STEAP3: variants seen among roughly 807,000 people sequenced by gnomAD.
STEAP3 encodes the protein metalloreductase STEAP3.
Under a neutral mutation model 34.9 loss-of-function variants are expected in STEAP3, and 35 were observed. The observed-to-expected ratio is 1.00, with a 90% CI of 0.76 to 1.33. The LOEUF (loss-of-function observed/expected upper bound fraction) is 1.33, where lower values mean the gene tolerates loss of function less well. Ranked by LOEUF, STEAP3 falls within the 40% of genes most tolerant of loss-of-function variation. The pLI, the probability that STEAP3 is intolerant of heterozygous loss-of-function variation, is 0.00. For synonymous variants in STEAP3, 281 were observed against 301.6 expected, an observed-to-expected ratio of 0.93 and a Z score of 0.71; for missense variants, 652 against 667.6, an observed-to-expected ratio of 0.98 and a Z score of 0.26.
At chr2:119,256,849 G>A (rs1677788973) in intron 5 of STEAP3, among the ~76,000 whole-genome samples, 1 of 152,168 alleles carries the variant, frequency 6.6e-6, no homozygotes. Context: ...AAGAGCCTCA[G>A]TTTACACCCC....
rs1677513616 is a variant in STEAP3 at position 119,248,270 on chromosome 2, C to G, written c.1050+64C>G. On this transcript the variant is annotated intron_variant, in intron 4 of 5. Transcript: ENST00000393110. ...CACATGCTTGTCCAGCACCTCCCCC[C>G]CCCACCAACCAGGTGCAGCCGATAC... 5 of 1,494,320 alleles carry G rather than the reference C, an allele frequency of 3.3e-6. No individual in the cohort carries two copies. The African/African-American group carries it at 5.5e-5, about 17-fold the overall frequency. 92.6% of individuals were successfully genotyped at this position (1,494,320 alleles called of 1,614,324 possible).
chr2:119,254,547 C>A, intron 4 of STEAP3, 137 bp from the exon 5 acceptor site: 2 of 919,236 alleles, frequency 2.2e-6, no homozygotes, highest in African/African-American at 1.6e-5. Context: ...GCCTGAGAAA[C>A]GCTTATCACA....
chr2:119,254,025 G>C (rs1294189497), intron 4 of STEAP3, among the ~76,000 whole-genome samples: 3 of 151,248 alleles, frequency 2.0e-5, no homozygotes, highest in Non-Finnish European at 1.5e-5. Context: ...AAGAGGGGAG[G>C]CTGAGAGCTT....
chr2:119,263,296 G>C lies in STEAP3; in HGVS notation c.1455G>C (p.Leu485=). Residue 485 remains leucine (L), a synonymous_variant, in exon 6 of 6, where the codon CTG becomes CTC. Transcript: ENST00000393110. The part of the protein sequence containing the change: ...WERESTIKFT[L]PTDHALAEKT... ...GGGAGAGCACCATCAAGTTCACGCT[G>C]CCCACAGACCACGCCCTGGCCGAGA... is the stretch of plus-strand genomic sequence containing the variant. 6.2e-7 allele frequency: 1 copy of C among 1,613,880 alleles called. No homozygotes were observed. Among genetic ancestry groups the C allele is most frequent in the Middle Eastern group, 1.6e-4 (1 of 6,062 alleles).
chr2:119,237,527 A>G (rs946405990), intron 2 of STEAP3, among the ~76,000 whole-genome samples: 8 of 152,176 alleles, frequency 5.3e-5, no homozygotes, highest in Admixed American at 2.6e-4. Context: ...GTGCACCTCC[A>G]GTATTGGAGA....
At position 119,264,808 on chromosome 2, in the gene STEAP3, C is replaced by CCT. The variant is rs1466170705; in HGVS notation, c.*1471_*1472insTC. On this transcript the variant is annotated 3_prime_UTR_variant, in exon 6 of 6. Transcript: ENST00000393110. The stretch of plus-strand genomic sequence containing the variant: ...TCACAGATGAGGCTGCCCCTGCCCC[C>CCT]CCCCCGCCAGGGAGGTTTCATGAGC... 1 of 126,608 alleles carries CCT rather than the reference C, an allele frequency of 7.9e-6. No homozygotes were observed. The highest frequency in any genetic ancestry group is 2.9e-5 in the African/African-American group (1 of 34,548). 7.8% of individuals were successfully genotyped at this position (126,608 alleles called of 1,614,324 possible). A position where few individuals can be genotyped will look rare whatever the true frequency, so the allele number is the denominator to read the frequency against.
chr2:119,263,740 C>G lies in STEAP3; in HGVS notation c.*402C>G, dbSNP rs1425780387. 1 of 322,810 alleles carries G rather than the reference C, an allele frequency of 3.1e-6. No homozygotes were observed. The allele number at this position is 322,810 out of a possible 1,614,324, so 20.0% of individuals were successfully genotyped here. A position where few individuals can be genotyped will look rare whatever the true frequency, so the allele number is the denominator to read the frequency against. On this transcript the variant is annotated 3_prime_UTR_variant, in exon 6 of 6. Transcript: ENST00000393110. ...TGGGTTCGATTTATCCCTGCCCACCCCACCCCCACAACTTCCCTTTTGCTA... is the reference window on the plus strand; with the variant it reads ...TGGGTTCGATTTATCCCTGCCCACCGCACCCCCACAACTTCCCTTTTGCTA...
At chr2:119,257,642 T>C (rs1318197637) in intron 5 of STEAP3, 1 of 1,470,292 alleles carries the variant, frequency 6.8e-7, no homozygotes, top group East Asian at 2.7e-5. Flanking sequence ...GCTGGACACG[T>C]TAAATGCAGG....
chr2:119,224,098 C>G (rs1678957604), intron 1 of STEAP3, among the ~76,000 whole-genome samples: 1 of 152,234 alleles, frequency 6.6e-6, no homozygotes, highest in Non-Finnish European at 1.5e-5. Context: ...CCTTCCTTCC[C>G]TAGGCGTGGA....
At chr2:119,243,549 G>C (rs188090413) in intron 2 of STEAP3, among the ~76,000 whole-genome samples, 1 of 152,200 alleles carries the variant, frequency 6.6e-6, no homozygotes, top group African/African-American at 2.4e-5. Flanking sequence ...TGGGGTTCTT[G>C]TGAGGACCAG....
intron 1 of STEAP3, among the ~76,000 whole-genome samples, chr2:119,224,429 G>A (rs3795927): frequency 0.34 from 52,334 of 152,138 alleles, 10,093 homozygotes; most frequent in Non-Finnish European, 0.45. Context: ...ACCAGTGCCC[G>A]CCTCTGCCCG....
intron 2 of STEAP3, among the ~76,000 whole-genome samples, chr2:119,236,277 A>G (rs1208337644): frequency 1.3e-5 from 2 of 152,236 alleles, no homozygotes; most frequent in African/African-American, 2.4e-5. Context: ...TTTGTCTCAT[A>G]TAATCCTTGC....
intron 4 of STEAP3, among the ~76,000 whole-genome samples, chr2:119,252,132 T>C (rs571612172): frequency 1.3e-5 from 2 of 152,300 alleles, no homozygotes; most frequent in South Asian, 4.1e-4. Context: ...CAAGAACTAG[T>C]CTAACTGCCT....
At chr2:119,249,711 A>G (rs1354937628) in intron 4 of STEAP3, among the ~76,000 whole-genome samples, 1 of 151,852 alleles carries the variant, frequency 6.6e-6, no homozygotes, top group Admixed American at 6.6e-5. Flanking sequence ...CTCAGCCCCT[A>G]CTCACTGTCA....
At chr2:119,251,659 T>C (rs1018780939) in intron 4 of STEAP3, among the ~76,000 whole-genome samples, 1 of 152,084 alleles carries the variant, frequency 6.6e-6, no homozygotes, top group Non-Finnish European at 1.5e-5. Context: ...GACCCCAGTG[T>C]CCTTGGGATA....
chr2:119,262,266 T>C (rs1433022080), intron 5 of STEAP3, among the ~76,000 whole-genome samples: 3 of 152,152 alleles, frequency 2.0e-5, no homozygotes, highest in Non-Finnish European at 4.4e-5. Flanking sequence ...GAAATTATGA[T>C]TTTGGTATGC....
intron 3 of STEAP3, chr2:119,246,585 A>G (rs1284372091): frequency 6.4e-6 from 1 of 155,846 alleles, no homozygotes; most frequent in East Asian, 1.9e-4. Flanking sequence ...TTGGCGAAAG[A>G]ATGCCAGACT....
At chr2:119,246,531 G>A (rs578202615) in intron 3 of STEAP3, 2 of 155,340 alleles carry the variant, frequency 1.3e-5, no homozygotes, top group South Asian at 2.0e-4. Context: ...CTCTTACCAA[G>A]ACAAGGTGGT....
rs573099090 is a variant in STEAP3, at chr2:119,236,283, C to G, written c.22+5249C>G. ...AGCACTTTATTTGTCTCATATAATC[C>G]TTGCCACACCTCATTAAGGTGAGGA... On this transcript the variant is annotated intron_variant, in intron 2 of 5. Coordinates refer to ENST00000393110, the MANE Select transcript of STEAP3 (RefSeq NM_182915.3). 3.9e-5 allele frequency among the ~76,000 whole-genome samples: 6 copies of G among 152,270 alleles called. No homozygotes were observed. The South Asian group carries it at 1.2e-3, about 32-fold the overall frequency.
Sources: gnomAD v4.1 joint callset for allele counts (sites outside exome capture counted in the v4.1 genomes callset) on GRCh38, gnomAD v4.1.1 for gene constraint, MANE v1.5 for transcripts, NCBI Gene and HGNC (gene_info 2026-07-23, HGNC 2026-07-21) for gene names.